The following AGK variants were observed in gnomAD, a reference collection of about 807,000 sequenced individuals.
The protein encoded by AGK is acylglycerol kinase, also known as acylglycerol kinase, mitochondrial.
A neutral mutation model predicts 66.4 loss-of-function variants in AGK; 52 were observed. The ratio of observed to expected loss-of-function variants is 0.78; its 90% CI spans 0.63 to 0.99. The LOEUF is 0.99. Among genes scored for constraint, AGK ranks in the 50% least tolerant of loss-of-function variants. AGK has a pLI of 0.00. For synonymous variants in AGK, 182 were observed against 181.1 expected, an observed-to-expected ratio of 1.00 and a Z score of -0.04; for missense variants, 451 against 506.6, an observed-to-expected ratio of 0.89 and a Z score of 1.05.
intron 9 of AGK, among the ~76,000 whole-genome samples, chr7:141,623,381 AAAAAAAAAAAAG>A (rs1272459912): frequency 3.9e-5 from 5 of 127,514 alleles, no homozygotes; most frequent in African/African-American, 1.9e-4. Flanking sequence ...CTTTTTCTCA[AAAAAAAAAAAAG>A]AAAAAAAAAA....
At chr7:141,572,361 A>T (rs1489799849) in intron 2 of AGK, among the ~76,000 whole-genome samples, 1 of 152,198 alleles carries the variant, frequency 6.6e-6, no homozygotes, top group African/African-American at 2.4e-5. Context: ...TGGATGTGAG[A>T]TTGTGATAGT....
chr7:141,564,903 A>G (rs1164126842), intron 2 of AGK, among the ~76,000 whole-genome samples: 4 of 151,874 alleles, frequency 2.6e-5, no homozygotes, highest in Non-Finnish European at 5.9e-5. Flanking sequence ...CTAATTTTGT[A>G]TTTAGTAGGG....
intron 2 of AGK, among the ~76,000 whole-genome samples, chr7:141,571,038 A>G (rs1795595123): frequency 6.6e-6 from 1 of 152,244 alleles, no homozygotes; most frequent in South Asian, 2.1e-4. Context: ...GCCTGAGGCA[A>G]GAAGAAAAAC....
chr7:141,611,382 T>C, intron 6 of AGK, 95 bp downstream of exon 6: 1 of 816,244 alleles, frequency 1.2e-6, no homozygotes, highest in Non-Finnish European at 1.8e-6. Context: ...AAGAAATTTT[T>C]TATTTTAATT....
intron 2 of AGK, among the ~76,000 whole-genome samples, chr7:141,557,434 G>A (rs1399355214): frequency 2.6e-5 from 4 of 152,200 alleles, no homozygotes; most frequent in African/African-American, 9.6e-5. Context: ...GAGTCCTCAA[G>A]GCCCCTTTGC....
At chr7:141,553,341 A>T (rs1316847801) in intron 1 of AGK, among the ~76,000 whole-genome samples, 1 of 152,208 alleles carries the variant, frequency 6.6e-6, no homozygotes, top group Non-Finnish European at 1.5e-5. Flanking sequence ...TTCAGACAAT[A>T]GCATCCACAA....
intron 8 of AGK, among the ~76,000 whole-genome samples, chr7:141,617,667 G>A (rs1796737761): frequency 6.6e-6 from 1 of 152,180 alleles, no homozygotes; most frequent in Non-Finnish European, 1.5e-5. Context: ...GTTATTGGCA[G>A]GAGAATGATA....
chr7:141,583,085 T>C (rs1025289850), intron 2 of AGK, among the ~76,000 whole-genome samples: 1 of 151,914 alleles, frequency 6.6e-6, no homozygotes, highest in African/African-American at 2.4e-5. Flanking sequence ...TTGCCCATTT[T>C]ACGACAAGAA....
intron 14 of AGK, among the ~76,000 whole-genome samples, chr7:141,649,819 T>C (rs1024459344): frequency 6.6e-6 from 1 of 152,244 alleles, no homozygotes; most frequent in Non-Finnish European, 1.5e-5. Context: ...TCCATTACTA[T>C]TTATGTCAGT....
Position 141,655,220 on chromosome 7 carries a change from A to AAAT in AGK, c.*2298_*2300dup, listed in dbSNP as rs1452640584. The AAAT allele has an allele frequency of 2.0e-5, 3 of 152,228 alleles. No individual in the cohort carries two copies. The highest frequency in any genetic ancestry group is 4.4e-5 in the Non-Finnish European group (3 of 68,044). The allele number at this position is 152,228 out of a possible 1,614,324, so 9.4% of individuals were successfully genotyped here. Reference sequence around the variant, plus strand: ...CCACTTTAGAATCTTATTCATTTTTAAATATAAATATGCCTTGTTTCAAAC... The same window carrying AAAT: ...CCACTTTAGAATCTTATTCATTTTTAAATAATATAAATATGCCTTGTTTCAAAC... On this transcript the variant is annotated 3_prime_UTR_variant, in exon 16 of 16. Transcript: ENST00000649286.
intron 3 of AGK, chr7:141,594,263 T>G (rs1358572961): frequency 2.6e-5 from 4 of 152,442 alleles, no homozygotes; most frequent in Admixed American, 2.6e-4. Flanking sequence ...GGTGTGATGT[T>G]GGCTCACTGC....
At chr7:141,592,336 T>C (rs1796138965) in intron 2 of AGK, among the ~76,000 whole-genome samples, 1 of 152,200 alleles carries the variant, frequency 6.6e-6, no homozygotes. Context: ...TTGACTCTCT[T>C]CAGAGCCTTC....
intron 14 of AGK, chr7:141,650,821 C>A: frequency 3.5e-6 from 1 of 287,850 alleles, no homozygotes; most frequent in Non-Finnish European, 5.2e-6. Context: ...GGTTGTCAAG[C>A]CCCTTCTATA....
chr7:141,552,031 G>A (rs973092208), intron 1 of AGK, among the ~76,000 whole-genome samples: 3 of 152,146 alleles, frequency 2.0e-5, no homozygotes, highest in African/African-American at 4.8e-5. Flanking sequence ...AGTCACCCAA[G>A]CACAAAAACC....
rs1275409175 is a variant in AGK at position 141,628,864 on chromosome 7, T to C, written c.589-5037T>C. On this transcript the variant is annotated intron_variant, in intron 9 of 15. Transcript: ENST00000649286. ...AAGGGCAGTTTTTCCCATATAGACATCTATGATGCCTGATAACTTGACTTT... is the reference window on the plus strand; with the variant it reads ...AAGGGCAGTTTTTCCCATATAGACACCTATGATGCCTGATAACTTGACTTT... Among the ~76,000 whole-genome samples, 4 of 152,338 alleles carry C rather than the reference T, an allele frequency of 2.6e-5. No individual in the cohort carries two copies. In the South Asian group the frequency reaches 8.3e-4, roughly 32 times the overall value.
Position 141,653,065 on chromosome 7 carries a change from C to A in AGK, c.*141C>A. 1.1e-6 allele frequency: 1 copy of A among 927,944 alleles called. No homozygotes were observed. Among genetic ancestry groups the A allele is most frequent in the Non-Finnish European group, 1.6e-6 (1 of 625,926 alleles). The allele number at this position is 927,944 out of a possible 1,614,324, so 57.5% of individuals were successfully genotyped here. On this transcript the variant is annotated 3_prime_UTR_variant, in exon 16 of 16. Transcript: ENST00000649286. ...GGCAAGTACCCCTCTGCCCCCACTC[C>A]AGCAGTGCTTCCCAAAGTGTGCTCT...
chr7:141,566,102 C>T (rs1033286691), intron 2 of AGK, among the ~76,000 whole-genome samples: 12 of 152,288 alleles, frequency 7.9e-5, no homozygotes, highest in Middle Eastern at 6.8e-3. Context: ...TGTTGTTCTC[C>T]GCGGAACATT....
chr7:141,561,776 G>C (rs1795357113), intron 2 of AGK, among the ~76,000 whole-genome samples: 1 of 151,926 alleles, frequency 6.6e-6, no homozygotes, highest in South Asian at 2.1e-4. Context: ...TTTTGTCTCT[G>C]CTGTGAGAAA....
intron 2 of AGK, among the ~76,000 whole-genome samples, chr7:141,556,399 G>A (rs953141252): frequency 2.0e-5 from 3 of 152,018 alleles, no homozygotes; most frequent in Non-Finnish European, 4.4e-5. Context: ...GATTAGCTAG[G>A]CAGTAGTGGC....
Sources: gnomAD v4.1 joint callset for allele counts (sites outside exome capture counted in the v4.1 genomes callset) on GRCh38, gnomAD v4.1.1 for gene constraint, MANE v1.5 for transcripts, NCBI Gene and HGNC (gene_info 2026-07-23, HGNC 2026-07-21) for gene names.